Variants in TEX35 observed in about 807,000 individuals in gnomAD.
TEX35 encodes testis expressed 35.
Under a neutral mutation model 31.9 loss-of-function variants are expected in TEX35, and 26 were observed. The observed-to-expected ratio is 0.81, with a 90% CI of 0.60 to 1.13. TEX35 has a LOEUF of 1.13. TEX35 is among the 50% of genes most tolerant of loss of function. The pLI, the probability that TEX35 is intolerant of heterozygous loss-of-function variation, is 0.00. For missense variants in TEX35, 278 were observed against 273.5 expected, an observed-to-expected ratio of 1.02 and a Z score of -0.12; for synonymous variants, 87 against 90.7, an observed-to-expected ratio of 0.96 and a Z score of 0.23.
At chr1:178,521,640 C>T (rs1178542989) in intron 8 of TEX35, 3 of 1,552,156 alleles carry the variant, frequency 1.9e-6, no homozygotes, top group Non-Finnish European at 2.6e-6. Flanking sequence ...TACCTCAACC[C>T]CGGTGACATC....
Position 178,522,525 on chromosome 1 carries a change from T to C in TEX35, c.*85T>C. 1 of 1,362,948 alleles carries C rather than the reference T, an allele frequency of 7.3e-7. No homozygotes were observed. The allele number at this position is 1,362,948 out of a possible 1,614,324, so 84.4% of individuals were successfully genotyped here. ...AACTGTCCTGCCCTGGGTGTGATTC[T>C]TTGGCTTCAATTTGAAGGACGAGGA... On this transcript the variant is annotated 3_prime_UTR_variant, in exon 9 of 9. Coordinates refer to ENST00000319416, the MANE Select transcript of TEX35 (RefSeq NM_032126.5).
chr1:178,520,909 C>T (rs971093501), intron 7 of TEX35, 35 bp downstream of exon 7: 1 of 1,611,474 alleles, frequency 6.2e-7, no homozygotes, highest in Admixed American at 1.7e-5. Flanking sequence ...AGCACTGGTG[C>T]CAGACCCCTG....
chr1:178,518,089 G>A (rs12750502), intron 5 of TEX35, among the ~76,000 whole-genome samples: 29,512 of 152,020 alleles, frequency 0.19, 4,795 homozygotes, highest in African/African-American at 0.45. Context: ...GAAAATAGAC[G>A]AGTGTGAACA....
In TEX35 at chr1:178,522,402, G is replaced by A. The variant is rs771118926; in HGVS notation, c.664G>A (p.Ala222Thr). ...GACCACCCAACCTTCTGTGGGCCAC[G>A]CTGTGCCTGCCCCAAAGTCCCAGAC... ...PVTTQPSVGHAVPAPKSQTEG... is the reference protein window; with the variant it reads ...PVTTQPSVGHTVPAPKSQTEG... The change falls in exon 9 of 9, where the codon GCT becomes ACT. Residue 222 changes from alanine (A) to threonine (T), a missense_variant. Ala to Thr is a moderately conservative substitution (Grantham distance 58). Transcript: ENST00000319416. 37 of 1,604,292 alleles carry A rather than the reference G, an allele frequency of 2.3e-5. No individual in the cohort carries two copies. Among genetic ancestry groups the A allele is most frequent in the South Asian group, 5.6e-5 (5 of 88,708 alleles).
At chr1:178,519,259 T>C (rs1305005160) in intron 5 of TEX35, among the ~76,000 whole-genome samples, 1 of 152,168 alleles carries the variant, frequency 6.6e-6, no homozygotes, top group African/African-American at 2.4e-5. Context: ...TGGTGACTGA[T>C]TCAATATGGA....
rs781491153 is a variant in TEX35, at chr1:178,520,945, G to C, written c.543+71G>C. 1.9e-5 allele frequency: 31 copies of C among 1,591,726 alleles called. No individual in the cohort carries two copies. In the Middle Eastern group the frequency reaches 8.4e-4, roughly 43 times the overall value. ...GCTCCGGCTCCCTGGTGACTTCCCC[G>C]AGCTTGTGCTGTATCATAGTGAAGG... On this transcript the variant is annotated intron_variant, in intron 7 of 8. Transcript: ENST00000319416.
intron 8 of TEX35, chr1:178,522,020 C>CT: frequency 1.4e-6 from 1 of 695,404 alleles, no homozygotes; most frequent in Non-Finnish European, 2.3e-6. Context: ...CAGGTCATAG[C>CT]ATGGGGAGGG....
chr1:178,521,733 G>C, intron 8 of TEX35: 3 of 1,551,800 alleles, frequency 1.9e-6, no homozygotes, highest in Non-Finnish European at 2.6e-6. Flanking sequence ...AAGATGCACA[G>C]TCAGGGCTTC....
chr1:178,521,131 C>T, intron 7 of TEX35, 91 bp from the exon 8 acceptor site: 5 of 1,606,326 alleles, frequency 3.1e-6, no homozygotes, highest in Non-Finnish European at 1.7e-6. Context: ...TCTGTCCTTC[C>T]CTTTAGCAAG....
At chr1:178,518,748 CATTA>C (rs1455669877) in intron 5 of TEX35, among the ~76,000 whole-genome samples, 2 of 152,118 alleles carry the variant, frequency 1.3e-5, no homozygotes, top group African/African-American at 4.8e-5. Flanking sequence ...AAAGGGCATG[CATTA>C]ATTATTTCTC....
At chr1:178,517,644 A>C (rs1272959708) in intron 5 of TEX35, among the ~76,000 whole-genome samples, 2 of 152,216 alleles carry the variant, frequency 1.3e-5, no homozygotes, top group African/African-American at 2.4e-5. Context: ...GTGTATACTC[A>C]AGTTGAGAAT....
chr1:178,523,473 AGCAATGTATTTGGT>A (rs1298662379), downstream of TEX35: 1 of 487,028 alleles, frequency 2.1e-6, no homozygotes, highest in African/African-American at 2.0e-5. Context: ...CAAATTAATG[AGCAATGTATTTGGT>A]GCTTCAGATA....
intron 8 of TEX35, chr1:178,521,768 C>A (rs748150900): frequency 1.9e-6 from 3 of 1,551,456 alleles, no homozygotes; most frequent in East Asian, 2.4e-5. Context: ...ACCACCCCAA[C>A]CCCAGGCCTC....
intron 8 of TEX35, 153 bp from the exon 9 acceptor site, chr1:178,522,172 G>A (rs1650310925): frequency 8.4e-6 from 9 of 1,073,736 alleles, no homozygotes; most frequent in African/African-American, 3.2e-5. Flanking sequence ...CCTCAGCCTC[G>A]AGTTCTGCCT....
chr1:178,520,984 G>A (rs746719178), intron 7 of TEX35, 110 bp downstream of exon 7: 66 of 1,553,070 alleles, frequency 4.2e-5, no homozygotes, highest in African/African-American at 1.2e-4. Flanking sequence ...AGGTCCGCCC[G>A]CTGCTGACTT....
intron 5 of TEX35, among the ~76,000 whole-genome samples, chr1:178,516,930 T>A (rs1188677268): frequency 6.6e-6 from 1 of 152,256 alleles, no homozygotes; most frequent in Non-Finnish European, 1.5e-5. Flanking sequence ...CCTTGAAGAC[T>A]GCATGGGAAG....
chr1:178,523,481 A>G (rs1650351543), downstream of TEX35: 2 of 476,926 alleles, frequency 4.2e-6, no homozygotes, highest in African/African-American at 2.0e-5. Context: ...TGAGCAATGT[A>G]TTTGGTGCTT....
chr1:178,521,693 C>T (rs147082609), intron 8 of TEX35: 2 of 1,551,966 alleles, frequency 1.3e-6, no homozygotes, highest in East Asian at 2.4e-5. Flanking sequence ...AACCTACCAG[C>T]AGTTCCGATT....
At chr1:178,516,348 A>G (rs1176410148) in intron 4 of TEX35, among the ~76,000 whole-genome samples, 1 of 152,258 alleles carries the variant, frequency 6.6e-6, no homozygotes, top group Non-Finnish European at 1.5e-5. Context: ...AAGAAAGTGT[A>G]ATCGAAGCTG....
Sources: gnomAD v4.1 joint callset for allele counts (sites outside exome capture counted in the v4.1 genomes callset) on GRCh38, gnomAD v4.1.1 for gene constraint, MANE v1.5 for transcripts, NCBI Gene and HGNC (gene_info 2026-07-23, HGNC 2026-07-21) for gene names.